Variants in TSHZ2 observed in about 807,000 individuals in gnomAD.
The protein encoded by TSHZ2 is teashirt homolog 2.
In TSHZ2, 21 loss-of-function variants were observed where a neutral mutation model predicts 74.4. That is an observed-to-expected ratio of 0.28 (90% CI 0.20 to 0.41). The LOEUF (loss-of-function observed/expected upper bound fraction) is 0.41. Among genes scored for constraint, TSHZ2 ranks in the 10% least tolerant of loss-of-function variants. The pLI, the probability that TSHZ2 is intolerant of heterozygous loss-of-function variation, is 1.00. For missense variants in TSHZ2, 1,244 were observed against 1,293.5 expected (o/e 0.96, Z 0.59); for synonymous variants, 540 against 515.3 (o/e 1.05, Z -0.65).
chr20:53,337,066 A>G (rs1346360478), intron 2 of TSHZ2, among the ~76,000 whole-genome samples: 1 of 152,266 alleles, frequency 6.6e-6, no homozygotes, highest in East Asian at 1.9e-4. Context: ...ACTGTTGTGC[A>G]GCATGGCTGG....
intron 1 of TSHZ2, among the ~76,000 whole-genome samples, chr20:53,200,590 G>A (rs1404500442): frequency 6.6e-6 from 1 of 152,164 alleles, no homozygotes; most frequent in Non-Finnish European, 1.5e-5. Flanking sequence ...TGTGGATGAG[G>A]ATGTTCTGTA....
At chr20:53,164,028 T>C (rs1376183671) in intron 1 of TSHZ2, among the ~76,000 whole-genome samples, 1 of 152,248 alleles carries the variant, frequency 6.6e-6, no homozygotes, top group African/African-American at 2.4e-5. Flanking sequence ...GTATTTATAC[T>C]TATTTATTGC....
chr20:53,458,119 G>C (rs1164320374), intron 2 of TSHZ2, among the ~76,000 whole-genome samples: 1 of 151,710 alleles, frequency 6.6e-6, no homozygotes, highest in Non-Finnish European at 1.5e-5. Context: ...GATTGGAATA[G>C]TTTCAGAAGG....
chr20:53,255,886 C>T lies in TSHZ2; in HGVS notation c.2428C>T (p.Pro810Ser), dbSNP rs199912682. The change falls in exon 2 of 3, where the codon CCA becomes TCA. Residue 810 changes from proline (P) to serine (S), a missense_variant. Transcript: ENST00000371497. This position sits in a 1 kb window ranked among gnomAD's most constrained non-coding sequence, Gnocchi z 4.1. ...KVLPKATTPK[P>S]ASSSRVPPMK... is the part of the protein sequence containing the mutation. ...CCTCCCCAAAGCCACCACCCCAAAG[C>T]CAGCCTCCTCCTCCAGGGTCCCCCC... The T allele has an allele frequency of 5.4e-4, 865 of 1,613,598 alleles. 19 individuals are homozygous for T. The South Asian group carries it at 9.0e-3, about 17-fold the overall frequency.
intron 2 of TSHZ2, among the ~76,000 whole-genome samples, chr20:53,417,960 C>T (rs1264885022): frequency 1.3e-5 from 2 of 152,136 alleles, no homozygotes; most frequent in East Asian, 1.9e-4. Context: ...GGGCTCTGAG[C>T]TCACAGAGCT....
At chr20:53,215,384 A>G (rs575860676) in intron 1 of TSHZ2, among the ~76,000 whole-genome samples, 1 of 152,096 alleles carries the variant, frequency 6.6e-6, no homozygotes, top group South Asian at 2.1e-4. Flanking sequence ...TAACCATGCC[A>G]CAGTATCTTG....
At chr20:53,123,643 CACAGTCAAGCCT>C (rs1023091452) in intron 1 of TSHZ2, among the ~76,000 whole-genome samples, 3 of 152,148 alleles carry the variant, frequency 2.0e-5, no homozygotes, top group African/African-American at 7.2e-5. Context: ...GACAACATGG[CACAGTCAAGCCT>C]ACAGTCAGAG....
In TSHZ2 at chr20:53,283,117, C is replaced by A. The variant is rs560430634; in HGVS notation, c.*8+26546C>A. On this transcript the variant is annotated intron_variant, in intron 2 of 2. Coordinates refer to ENST00000371497, the MANE Select transcript of TSHZ2 (RefSeq NM_173485.6). The stretch of plus-strand genomic sequence containing the variant: ...CCCTACCAGTGTTATCTCATTATTC[C>A]CTTCCCACATCCTCCAAAGTAGGAT... 3.3e-5 allele frequency among the ~76,000 whole-genome samples: 5 copies of A among 152,244 alleles called. No individual in the cohort carries two copies. In the South Asian group the frequency reaches 1.0e-3, roughly 32 times the overall value.
At chr20:53,451,732 C>T (rs1984792381) in intron 2 of TSHZ2, among the ~76,000 whole-genome samples, 2 of 152,174 alleles carry the variant, frequency 1.3e-5, no homozygotes, top group Admixed American at 6.5e-5. Flanking sequence ...ATGCTTCCCT[C>T]CATTATAATA....
intron 1 of TSHZ2, among the ~76,000 whole-genome samples, chr20:53,157,626 A>G (rs16997637): frequency 0.2 from 30,774 of 152,000 alleles, 3,385 homozygotes; most frequent in East Asian, 0.42. Flanking sequence ...CTGCTTTGCT[A>G]TAGGAAGCAC....
In TSHZ2 at chr20:53,255,547, G is replaced by A. The variant is rs780341360; in HGVS notation, c.2089G>A (p.Ala697Thr). ...CCTGCCATGCATCAACCCACTCAGC[G>A]CCCTGCAGTCCGTCCTGAACAATCA... ...PALPCINPLS[A>T]LQSVLNNHLG... Residue 697 changes from alanine to threonine, a missense_variant, in exon 2 of 3, where the codon GCC becomes ACC. Ala to Thr is a moderately conservative substitution (Grantham distance 58). Coordinates refer to ENST00000371497, the MANE Select transcript of TSHZ2 (RefSeq NM_173485.6). This position sits in a 1 kb window ranked among gnomAD's most constrained non-coding sequence, Gnocchi z 4.1. 1.3e-5 allele frequency: 21 copies of A among 1,585,242 alleles called. No homozygotes were observed. Among genetic ancestry groups the A allele is most frequent in the African/African-American group, 5.4e-5 (4 of 74,084 alleles).
At chr20:53,167,682 C>A (rs375822041) in intron 1 of TSHZ2, among the ~76,000 whole-genome samples, 6 of 152,040 alleles carry the variant, frequency 3.9e-5, no homozygotes, top group African/African-American at 9.7e-5. Context: ...TTAAACATTG[C>A]AATCTCAAAT....
intron 1 of TSHZ2, among the ~76,000 whole-genome samples, chr20:53,122,066 G>A (rs2123353692): frequency 2.0e-5 from 3 of 152,136 alleles, no homozygotes; most frequent in Middle Eastern, 6.8e-3. Context: ...GTGGGTAGAT[G>A]GGTTGAGCTC....
chr20:53,075,777 C>T (rs372704876), intron 1 of TSHZ2, among the ~76,000 whole-genome samples: 2 of 152,112 alleles, frequency 1.3e-5, no homozygotes, highest in Admixed American at 6.5e-5. Context: ...GGAGAGTCCA[C>T]GGCACACTGG....
chr20:53,436,536 A>ATTTTTTTTT (rs71194478), intron 2 of TSHZ2, among the ~76,000 whole-genome samples: 7 of 83,558 alleles, frequency 8.4e-5, no homozygotes, highest in African/African-American at 2.9e-4. Context: ...TATTATTATT[A>ATTTTTTTTT]TTATTATTAT....
At chr20:53,082,807 G>A (rs1345417566) in intron 1 of TSHZ2, among the ~76,000 whole-genome samples, 1 of 152,240 alleles carries the variant, frequency 6.6e-6, no homozygotes, top group Non-Finnish European at 1.5e-5. Flanking sequence ...TCCGTTATGG[G>A]AAGGTGTTGG....
At chr20:53,329,351 A>G (rs1674022233) in intron 2 of TSHZ2, among the ~76,000 whole-genome samples, 1 of 151,814 alleles carries the variant, frequency 6.6e-6, no homozygotes, top group Non-Finnish European at 1.5e-5. Context: ...AAACTAAAAG[A>G]GTCTGTCTTC....
At chr20:53,429,797 G>T (rs6097414) in intron 2 of TSHZ2, among the ~76,000 whole-genome samples, 3,625 of 148,664 alleles carry the variant, frequency 0.024, 121 homozygotes, top group African/African-American at 0.084. Context: ...CTATGGTTAT[G>T]TATTTATTTT....
chr20:53,318,812 A>G (rs1011922770), intron 2 of TSHZ2, among the ~76,000 whole-genome samples: 2 of 152,170 alleles, frequency 1.3e-5, no homozygotes, highest in Admixed American at 6.5e-5. Flanking sequence ...ACCCATTTTC[A>G]TACTGCTTTG....
Sources: allele counts gnomAD v4.1 joint callset (sites outside exome capture counted in the v4.1 genomes callset), GRCh38; gene constraint gnomAD v4.1.1; non-coding constraint Gnocchi (gnomAD v3.1); transcripts MANE v1.5; gene names NCBI Gene and HGNC (gene_info 2026-07-23, HGNC 2026-07-21).